The following AFAP1L2 variants were observed in gnomAD, a reference collection of about 807,000 sequenced individuals.
AFAP1L2 encodes the protein actin filament associated protein 1 like 2.
In AFAP1L2, 46 loss-of-function variants were observed where a neutral mutation model predicts 99.3. That is an observed-to-expected ratio of 0.46 (90% CI 0.37 to 0.59). The LOEUF (loss-of-function observed/expected upper bound fraction) is 0.59, where lower values mean the gene tolerates loss of function less well. AFAP1L2 is among the 20% of genes least tolerant of loss of function. The probability of loss-of-function intolerance (pLI) is 0.00; values close to 1 mark genes in which losing one functional copy is unlikely to be tolerated. For synonymous variants in AFAP1L2, 397 were observed against 419.1 expected (o/e 0.95, Z 0.64); for missense variants, 959 against 1,034.9 (o/e 0.93, Z 1.01).
At chr10:114,284,203 G>C in the AFAP1L2 span, among the ~76,000 whole-genome samples, 1 of 152,244 alleles carries the variant, frequency 6.6e-6, no homozygotes, top group African/African-American at 2.4e-5. Flanking sequence ...CAGCTTTGAA[G>C]AGGCCTTGCT....
At chr10:114,363,232 C>A in intron 1 of AFAP1L2, 1 of 951,422 alleles carries the variant, frequency 1.1e-6, no homozygotes, top group Non-Finnish European at 1.3e-6. Context: ...TTCCAAGTTG[C>A]ATCTCTTGGA....
intron 7 of AFAP1L2, 50 bp downstream of exon 7, chr10:114,313,821 G>A (rs778459225): frequency 6.6e-7 from 1 of 1,524,630 alleles, no homozygotes. Context: ...TAGAAAAGCT[G>A]GGGGCCACAA....
intron 18 of AFAP1L2, 197 bp downstream of exon 18, chr10:114,296,781 G>A (rs1318102431): frequency 1.0e-5 from 8 of 784,506 alleles, no homozygotes; most frequent in South Asian, 1.8e-5. Context: ...CGAACCAAGT[G>A]CAGACACCTT....
chr10:114,397,659 G>A (rs953354615), intron 1 of AFAP1L2, among the ~76,000 whole-genome samples: 1 of 152,176 alleles, frequency 6.6e-6, no homozygotes, highest in African/African-American at 2.4e-5. Flanking sequence ...AGCCCGGAAG[G>A]CTGGTCATTC....
upstream of AFAP1L2, chr10:114,404,818 CTG>C (rs915350326): frequency 8.5e-6 from 2 of 234,766 alleles, no homozygotes; most frequent in African/African-American, 4.6e-5. Flanking sequence ...TTCCCAAACT[CTG>C]GGGGAGGCTC....
intron 2 of AFAP1L2, among the ~76,000 whole-genome samples, chr10:114,335,221 G>A (rs2047757454): frequency 6.6e-6 from 1 of 152,062 alleles, no homozygotes; most frequent in Non-Finnish European, 1.5e-5. Context: ...CATTTCTACT[G>A]CCAGAAACTT....
chr10:114,291,370 C>T (rs17091525), downstream of AFAP1L2: 6,086 of 1,109,452 alleles, frequency 5.5e-3, 258 homozygotes, highest in African/African-American at 0.086. Context: ...TGCTTCCCGC[C>T]GTGGCCAGGA....
chr10:114,337,386 T>A (rs769524056), intron 2 of AFAP1L2, among the ~76,000 whole-genome samples: 1 of 152,230 alleles, frequency 6.6e-6, no homozygotes, highest in Non-Finnish European at 1.5e-5. Flanking sequence ...TGGCTGCTAT[T>A]GTACCTACTC....
chr10:114,287,215 C>G, the AFAP1L2 span, among the ~76,000 whole-genome samples: 1 of 152,160 alleles, frequency 6.6e-6, no homozygotes, highest in Admixed American at 6.5e-5. Context: ...GGGTCTTGCT[C>G]TGTTACCCAG....
At chr10:114,354,110 G>A (rs1201686235) in intron 1 of AFAP1L2, among the ~76,000 whole-genome samples, 1 of 152,130 alleles carries the variant, frequency 6.6e-6, no homozygotes, top group African/African-American at 2.4e-5. Flanking sequence ...TCAGTGCCAG[G>A]GGCCAGAACC....
chr10:114,310,223 C>T (rs761311464), intron 8 of AFAP1L2, 131 bp downstream of exon 8: 38 of 942,214 alleles, frequency 4.0e-5, no homozygotes, highest in East Asian at 5.5e-5. Context: ...CCACCCTGCC[C>T]GGCCTCAAGC....
rs562008184 is a variant in AFAP1L2, at chr10:114,303,453, G to A, written c.1285-969C>T. Among the ~76,000 whole-genome samples, 12 of 152,186 alleles carry A rather than the reference G, an allele frequency of 7.9e-5. No individual in the cohort carries two copies. The South Asian group carries it at 1.5e-3, about 18-fold the overall frequency. On this transcript the variant is annotated intron_variant, in intron 11 of 18. Coordinates refer to ENST00000304129, the MANE Select transcript of AFAP1L2 (RefSeq NM_001001936.3). ...CTCCCAAGTAGCTGGGACTACAGGC[G>A]CCCACCACCACACCCAGCTAATTTT...
chr10:114,364,985 A>G (rs2052998242), intron 1 of AFAP1L2, among the ~76,000 whole-genome samples: 2 of 152,202 alleles, frequency 1.3e-5, no homozygotes, highest in African/African-American at 4.8e-5. Context: ...GAGTCAAATA[A>G]CATGACAGGA....
At chr10:114,353,003 T>C (rs1180137028) in intron 1 of AFAP1L2, among the ~76,000 whole-genome samples, 1 of 152,198 alleles carries the variant, frequency 6.6e-6, no homozygotes, top group Non-Finnish European at 1.5e-5. Context: ...ACTGTCTATA[T>C]TTGTGGAACT....
chr10:114,331,659 T>A (rs1316374545), intron 4 of AFAP1L2, 144 bp downstream of exon 4: 1 of 507,366 alleles, frequency 2.0e-6, no homozygotes, highest in African/African-American at 2.0e-5. Context: ...TTTTGCTCTG[T>A]CCCTACACGT....
Position 114,297,398 on chromosome 10 carries a change from G to A in AFAP1L2, c.2129C>T (p.Ala710Val), listed in dbSNP as rs752318393. Residue 710 changes from alanine (A) to valine (V), a missense_variant, in exon 17 of 19, where the codon GCG (alanine) becomes GTG (valine). Transcript: ENST00000304129. Reference sequence around the variant, plus strand: ...TTCCTTCAGCTTCTGCTCCAGGCTCGCCAGGACTTCCTTGTCTGGAGAGAG... The same window carrying A: ...TTCCTTCAGCTTCTGCTCCAGGCTCACCAGGACTTCCTTGTCTGGAGAGAG... ...LLKCTDKEVL[A>V]SLEQKLKEID... is the part of the protein sequence containing the mutation. 60 of 1,612,684 alleles carry A rather than the reference G, an allele frequency of 3.7e-5. No homozygotes were observed. Among genetic ancestry groups the A allele is most frequent in the Middle Eastern group, 1.6e-4 (1 of 6,084 alleles).
intron 1 of AFAP1L2, among the ~76,000 whole-genome samples, chr10:114,342,788 T>C (rs147370875): frequency 1.3e-5 from 2 of 152,366 alleles, no homozygotes; most frequent in African/African-American, 4.8e-5. Context: ...TGTTGCTTTA[T>C]GTCACTAAGT....
At chr10:114,291,959 T>G (rs1359918968), downstream of AFAP1L2, among the ~76,000 whole-genome samples, 2 of 152,160 alleles carry the variant, frequency 1.3e-5, no homozygotes, top group Non-Finnish European at 2.9e-5. Context: ...TCGTGAGCAG[T>G]GTCCACCTGA....
At chr10:114,361,395 T>C (rs2052388016) in intron 1 of AFAP1L2, among the ~76,000 whole-genome samples, 1 of 152,206 alleles carries the variant, frequency 6.6e-6, no homozygotes, top group African/African-American at 2.4e-5. Flanking sequence ...TGCCTTAACC[T>C]ATCCCAGTCC....
Sources: allele counts gnomAD v4.1 joint callset (sites outside exome capture counted in the v4.1 genomes callset), GRCh38; gene constraint gnomAD v4.1.1; transcripts MANE v1.5; gene names NCBI Gene and HGNC (gene_info 2026-07-23, HGNC 2026-07-21).